Variants in TADA2B observed in about 807,000 individuals in gnomAD.
TADA2B encodes transcriptional adapter 2-beta.
Under a neutral mutation model 34.5 loss-of-function variants are expected in TADA2B, and 13 were observed. The observed-to-expected ratio is 0.38, with a 90% confidence interval of 0.25 to 0.60. The LOEUF is 0.60. Among genes scored for constraint, TADA2B ranks in the 20% least tolerant of loss-of-function variants. The pLI, the probability that TADA2B is intolerant of heterozygous loss-of-function variation, is 0.65. For missense variants in TADA2B, 442 were observed against 575.0 expected (o/e 0.77, Z 2.37); for synonymous variants, 240 against 243.4 (o/e 0.99, Z 0.13).
At position 7,057,334 on chromosome 4, in the gene TADA2B, C is replaced by T. The variant is rs1723915036; in HGVS notation, c.*2280C>T. ...TAATTAATTTATGTTAAAGTATTAA[C>T]CCTTTGTCACAAAGGAATGGTAATG... is the stretch of plus-strand genomic sequence containing the variant. On this transcript the variant is annotated 3_prime_UTR_variant, in exon 2 of 2. Coordinates refer to ENST00000310074, the MANE Select transcript of TADA2B (RefSeq NM_152293.3). The T allele has an allele frequency of 6.6e-6, 1 of 152,208 alleles. No homozygotes were observed. The highest frequency in any genetic ancestry group is 2.4e-5 in the African/African-American group (1 of 41,456). 9.4% of individuals were successfully genotyped at this position (152,208 alleles called of 1,614,324 possible). A position where few individuals can be genotyped will look rare whatever the true frequency, so the allele number is the denominator to read the frequency against.
chr4:7,049,023 A>C (rs990992787), intron 1 of TADA2B, among the ~76,000 whole-genome samples: 2 of 152,180 alleles, frequency 1.3e-5, no homozygotes, highest in African/African-American at 2.4e-5. Flanking sequence ...GCCGCTATGA[A>C]GATGGTGTTG....
At chr4:7,046,692 T>C (rs4689063) in intron 1 of TADA2B, among the ~76,000 whole-genome samples, 146,829 of 152,282 alleles carry the variant, frequency 0.96, 70,829 homozygotes, top group East Asian at 1. Context: ...TCATGGGCTG[T>C]GACTGTGAGT....
chr4:7,054,906 T>C lies in TADA2B; in HGVS notation c.1115T>C (p.Val372Ala), dbSNP rs768726063. ...LNLSPARYVT[V>A]KTIIIKDHLQ... Reference sequence around the variant, plus strand: ...TTGAGTCCAGCCCGCTACGTGACTGTGAAGACTATTATAATTAAAGACCAC... The same window carrying C: ...TTGAGTCCAGCCCGCTACGTGACTGCGAAGACTATTATAATTAAAGACCAC... Residue 372 changes from valine (V) to alanine (A), a missense_variant, in exon 2 of 2, where the codon GTG (valine) becomes GCG (alanine). Transcript: ENST00000310074. 1.5e-5 allele frequency: 25 copies of C among 1,613,820 alleles called. No individual in the cohort carries two copies. Among genetic ancestry groups the C allele is most frequent in the Non-Finnish European group, 2.0e-5 (24 of 1,179,894 alleles).
At chr4:7,046,119 A>ATTGCAACCAGGAC (rs1723622842) in intron 1 of TADA2B, 1 of 152,186 alleles carries the variant, frequency 6.6e-6, no homozygotes, top group South Asian at 2.1e-4. Flanking sequence ...GAGAGCCTGC[A>ATTGCAACCAGGAC]TTGCAACCAG....
rs747279038 is a variant in TADA2B, at chr4:7,043,753, C to A, written c.174C>A (p.Arg58=). ...GCTACCAGCTGGTGGACGGCGGGCGCTTCACGCTCTGGGGGCCCGAGGCCG... is the reference window on the plus strand; with the variant it reads ...GCTACCAGCTGGTGGACGGCGGGCGATTCACGCTCTGGGGGCCCGAGGCCG... ...YHGYQLVDGG[R]FTLWGPEAEG... is the part of the protein sequence containing the mutation. Residue 58 remains arginine, a synonymous_variant, in exon 1 of 2, where the codon CGC becomes CGA. Transcript: ENST00000310074. 1.5e-5 allele frequency: 24 copies of A among 1,584,222 alleles called. No individual in the cohort carries two copies. The South Asian group carries it at 2.7e-4, about 18-fold the overall frequency.
chr4:7,057,407 T>C lies in TADA2B; in HGVS notation c.*2353T>C, dbSNP rs1240091255. 1 of 152,270 alleles carries C rather than the reference T, an allele frequency of 6.6e-6. No homozygotes were observed. Among genetic ancestry groups the C allele is most frequent in the Non-Finnish European group, 1.5e-5 (1 of 68,044 alleles). 9.4% of individuals were successfully genotyped at this position (152,270 alleles called of 1,614,324 possible). On this transcript the variant is annotated 3_prime_UTR_variant, in exon 2 of 2. Coordinates refer to ENST00000310074, the MANE Select transcript of TADA2B (RefSeq NM_152293.3). ...TCGACTATTCCCGTCACGGTAGTCC[T>C]TACCTCTGTCGGCAGCTCAGAGCCT...
At position 7,057,317 on chromosome 4, in the gene TADA2B, TTA is replaced by T. The variant is rs1553879806; in HGVS notation, c.*2265_*2266del. On this transcript the variant is annotated 3_prime_UTR_variant, in exon 2 of 2. Transcript: ENST00000310074. The stretch of plus-strand genomic sequence containing the variant: ...ACACCATAATGAATGTATAATTAAT[TTA>T]TGTTAAAGTATTAACCCTTTGTCAC... 1.1e-4 allele frequency: 16 copies of T among 152,248 alleles called. No homozygotes were observed. The highest frequency in any genetic ancestry group is 1.0e-4 in the Non-Finnish European group (7 of 68,040). 9.4% of individuals were successfully genotyped at this position (152,248 alleles called of 1,614,324 possible). A position where few individuals can be genotyped will look rare whatever the true frequency, so the allele number is the denominator to read the frequency against.
At chr4:7,050,909 A>G (rs1347876740) in intron 1 of TADA2B, among the ~76,000 whole-genome samples, 1 of 152,120 alleles carries the variant, frequency 6.6e-6, no homozygotes, top group African/African-American at 2.4e-5. Flanking sequence ...CAGCCACATT[A>G]CCTGGTGTGG....
At chr4:7,047,443 G>A (rs144570681) in intron 1 of TADA2B, among the ~76,000 whole-genome samples, 2 of 152,236 alleles carry the variant, frequency 1.3e-5, no homozygotes, top group East Asian at 3.8e-4. Flanking sequence ...GCCAGGTGGG[G>A]TGTCCTGAGT....
chr4:7,051,832 C>T (rs1407192980), intron 1 of TADA2B, among the ~76,000 whole-genome samples: 2 of 152,162 alleles, frequency 1.3e-5, no homozygotes, highest in South Asian at 2.1e-4. Flanking sequence ...CTCCTGACCT[C>T]GTGATCCGCC....
Position 7,054,232 on chromosome 4 carries a change from C to T in TADA2B, c.441C>T (p.Leu147=). The change falls in exon 2 of 2, where the codon CTC becomes CTT. Residue 147 remains leucine, a synonymous_variant. Coordinates refer to ENST00000310074, the MANE Select transcript of TADA2B (RefSeq NM_152293.3). ...CPSGGPLSPS[L]TTPLPPLDIS... is the part of the protein sequence containing the mutation. Reference sequence around the variant, plus strand: ...GCGGAGGCCCCCTCTCACCCAGCCTCACCACCCCGCTGCCCCCGCTGGACA... The same window carrying T: ...GCGGAGGCCCCCTCTCACCCAGCCTTACCACCCCGCTGCCCCCGCTGGACA... 4 of 1,608,456 alleles carry T rather than the reference C, an allele frequency of 2.5e-6. No homozygotes were observed. Among genetic ancestry groups the T allele is most frequent in the South Asian group, 1.1e-5 (1 of 90,364 alleles).
chr4:7,044,206 A>G (rs1723560224), intron 1 of TADA2B, among the ~76,000 whole-genome samples: 1 of 152,194 alleles, frequency 6.6e-6, no homozygotes, highest in South Asian at 2.1e-4. Context: ...GGAGACAGGC[A>G]GGCCCACAGA....
intron 1 of TADA2B, among the ~76,000 whole-genome samples, chr4:7,050,104 G>T (rs1723726652): frequency 6.6e-6 from 1 of 152,268 alleles, no homozygotes; most frequent in African/African-American, 2.4e-5. Context: ...GGCCAGGCAG[G>T]TGACATGTCA....
chr4:7,054,301 G>A lies in TADA2B; in HGVS notation c.510G>A (p.Arg170=). ...AGCAGCTGGGCTACATGCCGCTGCG[G>A]GATGATTACGAGATCGAGTATGACC... is the stretch of plus-strand genomic sequence containing the variant. ...EQQQLGYMPL[R]DDYEIEYDQD... Residue 170 remains arginine (R), a synonymous_variant, in exon 2 of 2, where the codon CGG becomes CGA. Transcript: ENST00000310074. 6.2e-7 allele frequency: 1 copy of A among 1,613,370 alleles called. No individual in the cohort carries two copies. The highest frequency in any genetic ancestry group is 8.5e-7 in the Non-Finnish European group (1 of 1,179,878).
intron 1 of TADA2B, among the ~76,000 whole-genome samples, chr4:7,046,693 G>A (rs1472562128): frequency 1.3e-5 from 2 of 152,212 alleles, no homozygotes; most frequent in African/African-American, 4.8e-5. Flanking sequence ...CATGGGCTGT[G>A]ACTGTGAGTG....
chr4:7,046,937 A>G (rs1347461967), intron 1 of TADA2B, among the ~76,000 whole-genome samples: 1 of 152,110 alleles, frequency 6.6e-6, no homozygotes, highest in Non-Finnish European at 1.5e-5. Flanking sequence ...CAGGGTTAAC[A>G]GTGACACCTG....
chr4:7,054,380 G>C lies in TADA2B; in HGVS notation c.589G>C (p.Val197Leu), dbSNP rs201437381. 3.7e-6 allele frequency: 6 copies of C among 1,613,496 alleles called. No individual in the cohort carries two copies. The highest frequency in any genetic ancestry group is 5.1e-6 in the Non-Finnish European group (6 of 1,179,904). The change falls in exon 2 of 2, where the codon GTG becomes CTG. Residue 197 changes from valine to leucine, a missense_variant. By Grantham distance (32) the Val-to-Leu change is conservative. This residue lies in a region of TADA2B where 222 missense variants were observed against 235.2 expected (regional missense o/e 0.94). Coordinates refer to ENST00000310074, the MANE Select transcript of TADA2B (RefSeq NM_152293.3). The stretch of plus-strand genomic sequence containing the variant: ...CTCTGTCAACTATGATGACGACGAC[G>C]TGGAGATCGAGCTGAAGCGCGCCCA... The part of the protein sequence containing the change: ...GLSVNYDDDD[V>L]EIELKRAHVD...
rs1162463238 is a variant in TADA2B at position 7,043,438 on chromosome 4, GGCCGCGGTGGCGGCA to G, written c.-134_-120del. The G allele has an allele frequency of 3.5e-5, 9 of 254,578 alleles. No individual in the cohort carries two copies. The highest frequency in any genetic ancestry group is 5.5e-5 in the Non-Finnish European group (9 of 165,024). 15.8% of individuals were successfully genotyped at this position (254,578 alleles called of 1,614,324 possible). ...CTGGCTCTGGCGGCGGCTGGGCTGG[GGCCGCGGTGGCGGCA>G]GCCGCGGCGGCGGGCGGCGGTTGCT... is the stretch of plus-strand genomic sequence containing the variant. On this transcript the variant is annotated 5_prime_UTR_variant, in exon 1 of 2. Transcript: ENST00000310074.
intron 1 of TADA2B, among the ~76,000 whole-genome samples, chr4:7,048,421 C>A (rs1434649282): frequency 1.3e-5 from 2 of 152,152 alleles, no homozygotes. Flanking sequence ...GCTGCTGAGT[C>A]AGGGGTGGGG....
Sources: allele counts gnomAD v4.1 joint callset (sites outside exome capture counted in the v4.1 genomes callset), GRCh38; gene constraint gnomAD v4.1.1; regional missense constraint gnomAD v4.1.1; transcripts MANE v1.5; gene names NCBI Gene and HGNC (gene_info 2026-07-23, HGNC 2026-07-21).